CNTNAP4: variants seen among roughly 807,000 people sequenced by gnomAD.
The protein encoded by CNTNAP4 is contactin-associated protein-like 4.
In CNTNAP4, 98 loss-of-function variants were observed where a neutral mutation model predicts 148.4. The ratio of observed to expected loss-of-function variants is 0.66; its 90% CI spans 0.56 to 0.78. The LOEUF is 0.78. CNTNAP4 is among the 30% of genes least tolerant of loss of function. The pLI, the probability that CNTNAP4 is intolerant of heterozygous loss-of-function variation, is 0.00. For missense variants in CNTNAP4, 1,935 were observed against 1,565.6 expected (o/e 1.24, Z -3.98); for synonymous variants, 730 against 565.1 (o/e 1.29, Z -4.14).
At chr16:76,289,647 ACTGCAACCT>A (rs1224233635) in intron 1 of CNTNAP4, among the ~76,000 whole-genome samples, 3 of 151,236 alleles carry the variant, frequency 2.0e-5, no homozygotes, top group Non-Finnish European at 4.4e-5. Context: ...ATCTCGGCTC[ACTGCAACCT>A]CTGCTTCCCA....
At chr16:76,317,976 G>A (rs1335597081) in intron 2 of CNTNAP4, among the ~76,000 whole-genome samples, 1 of 152,064 alleles carries the variant, frequency 6.6e-6, no homozygotes, top group African/African-American at 2.4e-5. Context: ...GATAATGCTA[G>A]CGTTTTCTTT....
chr16:76,327,812 T>A (rs927957352), intron 2 of CNTNAP4, among the ~76,000 whole-genome samples: 2 of 152,190 alleles, frequency 1.3e-5, no homozygotes, highest in Non-Finnish European at 2.9e-5. Context: ...GAATGGAAAT[T>A]CTGAGATGCA....
intron 1 of CNTNAP4, among the ~76,000 whole-genome samples, chr16:76,296,164 A>G (rs886105642): frequency 6.6e-6 from 1 of 152,216 alleles, no homozygotes; most frequent in African/African-American, 2.4e-5. Flanking sequence ...GGCTGATACA[A>G]AATGTTTTCT....
At chr16:76,558,065 G>C (rs2085269902) in intron 23 of CNTNAP4, 1 of 153,126 alleles carries the variant, frequency 6.5e-6, no homozygotes, top group African/African-American at 2.4e-5. Flanking sequence ...TATAACAATT[G>C]AATAACAATT....
At chr16:76,543,541 G>A (rs1297369415) in intron 21 of CNTNAP4, among the ~76,000 whole-genome samples, 3 of 152,192 alleles carry the variant, frequency 2.0e-5, no homozygotes, top group East Asian at 3.9e-4. Flanking sequence ...AGACAGGACC[G>A]TTAGATGTCC....
intron 1 of CNTNAP4, among the ~76,000 whole-genome samples, chr16:76,280,878 A>G (rs9941297): frequency 0.19 from 29,403 of 152,088 alleles, 3,125 homozygotes; most frequent in East Asian, 0.47. Flanking sequence ...CTTACCCCAA[A>G]AGAAGGAATG....
chr16:76,493,441 C>A (rs900053831), intron 13 of CNTNAP4, among the ~76,000 whole-genome samples: 1 of 151,458 alleles, frequency 6.6e-6, no homozygotes, highest in Non-Finnish European at 1.5e-5. Flanking sequence ...ATTTTTATTT[C>A]TCAGGGTTTT....
At chr16:76,530,418 A>C (rs761097686) in intron 17 of CNTNAP4, among the ~76,000 whole-genome samples, 37 of 152,138 alleles carry the variant, frequency 2.4e-4, no homozygotes, top group Non-Finnish European at 4.7e-4. Flanking sequence ...TTCTATATCC[A>C]GTAGGTAAAT....
At chr16:76,410,078 C>T (rs1009142660) in intron 3 of CNTNAP4, among the ~76,000 whole-genome samples, 2 of 150,206 alleles carry the variant, frequency 1.3e-5, no homozygotes, top group African/African-American at 4.8e-5. Flanking sequence ...GATGGATCCC[C>T]ATCTTTTAAG....
At chr16:76,379,472 T>G (rs1243499653) in intron 3 of CNTNAP4, among the ~76,000 whole-genome samples, 1 of 152,236 alleles carries the variant, frequency 6.6e-6, no homozygotes, top group Non-Finnish European at 1.5e-5. Context: ...TAGTTTTATG[T>G]TCTTTTTCCT....
At chr16:76,547,973 CA>C (rs1323265511) in intron 21 of CNTNAP4, among the ~76,000 whole-genome samples, 2 of 152,108 alleles carry the variant, frequency 1.3e-5, no homozygotes, top group African/African-American at 4.8e-5. Flanking sequence ...GTGATTTTTG[CA>C]AACATCTTGT....
At chr16:76,335,019 GCAAGCACTCGATAGA>G (rs1963899020) in intron 2 of CNTNAP4, among the ~76,000 whole-genome samples, 2 of 152,176 alleles carry the variant, frequency 1.3e-5, no homozygotes, top group African/African-American at 4.8e-5. Context: ...TCAGAATGAG[GCAAGCACTCGATAGA>G]CACCAGAAGC....
intron 1 of CNTNAP4, among the ~76,000 whole-genome samples, chr16:76,308,299 G>T (rs984356773): frequency 2.0e-5 from 3 of 152,182 alleles, no homozygotes; most frequent in African/African-American, 7.2e-5. Flanking sequence ...ATTTAATCGA[G>T]TTGAAATATC....
intron 10 of CNTNAP4, among the ~76,000 whole-genome samples, chr16:76,472,731 T>C (rs1272717586): frequency 1.3e-5 from 2 of 152,216 alleles, no homozygotes; most frequent in African/African-American, 4.8e-5. Context: ...ATGTTCTTAC[T>C]TATAAGTGGG....
intron 3 of CNTNAP4, among the ~76,000 whole-genome samples, chr16:76,366,878 G>A (rs1567873921): frequency 6.6e-6 from 1 of 152,090 alleles, no homozygotes; most frequent in Non-Finnish European, 1.5e-5. Context: ...ATGCAAGGAT[G>A]TATCTGCTTT....
At chr16:76,329,983 G>A (rs547051182) in intron 2 of CNTNAP4, among the ~76,000 whole-genome samples, 3 of 152,038 alleles carry the variant, frequency 2.0e-5, no homozygotes, top group African/African-American at 4.8e-5. Flanking sequence ...CCAGAGCCTC[G>A]GGAGAAGTGC....
intron 17 of CNTNAP4, among the ~76,000 whole-genome samples, chr16:76,529,050 T>G (rs1057259603): frequency 2.6e-5 from 4 of 152,244 alleles, no homozygotes; most frequent in South Asian, 4.1e-4. Context: ...CAGCGTAATG[T>G]GATAGATTAG....
chr16:76,371,008 C>G (rs958986706), intron 3 of CNTNAP4, among the ~76,000 whole-genome samples: 2 of 152,100 alleles, frequency 1.3e-5, no homozygotes, highest in South Asian at 4.1e-4. Flanking sequence ...GAAGGGAATC[C>G]ATGAAAAATG....
At chr16:76,439,409 A>G (rs2079955125) in intron 4 of CNTNAP4, among the ~76,000 whole-genome samples, 1 of 152,144 alleles carries the variant, frequency 6.6e-6, no homozygotes, top group Non-Finnish European at 1.5e-5. Flanking sequence ...TCCCTCTAGC[A>G]TCTTTGTGTA....
Sources: allele counts gnomAD v4.1 joint callset (sites outside exome capture counted in the v4.1 genomes callset), GRCh38; gene constraint gnomAD v4.1.1; transcripts MANE v1.5; gene names NCBI Gene and HGNC (gene_info 2026-07-23, HGNC 2026-07-21).